Variants in JPH3 observed in about 807,000 individuals in gnomAD.
JPH3 encodes junctophilin-3.
A neutral mutation model predicts 59.6 loss-of-function variants in JPH3; 11 were observed. The ratio of observed to expected loss-of-function variants is 0.18; its 90% confidence interval spans 0.12 to 0.31. The LOEUF is 0.31. JPH3 is among the 10% of genes least tolerant of loss of function. JPH3 has a pLI of 1.00. For missense variants in JPH3, 1,202 were observed against 1,105.7 expected (o/e 1.09, Z -1.24); for synonymous variants, 673 against 483.6 (o/e 1.39, Z -5.14).
intron 1 of JPH3, among the ~76,000 whole-genome samples, chr16:87,640,175 A>G (rs1349607760): frequency 6.6e-6 from 1 of 151,848 alleles, no homozygotes; most frequent in Non-Finnish European, 1.5e-5. Context: ...AAAAACAGAA[A>G]AAAATTAGCT....
intron 1 of JPH3, among the ~76,000 whole-genome samples, chr16:87,623,888 G>C (rs12444562): frequency 3.9e-5 from 6 of 152,214 alleles, no homozygotes; most frequent in Non-Finnish European, 2.9e-5. Context: ...CTTTCTGGAA[G>C]ATCCTCCTCC....
At chr16:87,628,725 A>T (rs1328363263) in intron 1 of JPH3, among the ~76,000 whole-genome samples, 1 of 151,982 alleles carries the variant, frequency 6.6e-6, no homozygotes. Flanking sequence ...CGTGGCCCGG[A>T]TGTGTGGTGA....
chr16:87,649,598 A>G (rs4843649), intron 2 of JPH3, among the ~76,000 whole-genome samples: 51,266 of 152,032 alleles, frequency 0.34, 9,255 homozygotes, highest in South Asian at 0.5. Context: ...CATTTTCAAC[A>G]GCTGAGACCC....
chr16:87,603,799 G>T (rs1375846528), intron 1 of JPH3, among the ~76,000 whole-genome samples: 11 of 152,230 alleles, frequency 7.2e-5, no homozygotes, highest in Admixed American at 6.5e-4. Context: ...CCGTGCGTCG[G>T]ACACAGCAGG....
At chr16:87,606,925 T>A (rs185877975) in intron 1 of JPH3, among the ~76,000 whole-genome samples, 1 of 152,230 alleles carries the variant, frequency 6.6e-6, no homozygotes, top group East Asian at 1.9e-4. Context: ...GTGATTTTCT[T>A]GTTATTCTCA....
intron 1 of JPH3, among the ~76,000 whole-genome samples, chr16:87,613,841 T>G (rs977595436): frequency 2.0e-5 from 3 of 152,244 alleles, no homozygotes; most frequent in African/African-American, 7.2e-5. Flanking sequence ...TTCCTTAAGA[T>G]AATGCCTTGA....
intron 1 of JPH3, among the ~76,000 whole-genome samples, chr16:87,636,026 C>G (rs1018715007): frequency 6.6e-6 from 1 of 152,246 alleles, no homozygotes; most frequent in Non-Finnish European, 1.5e-5. Context: ...GCTGACCGAG[C>G]CAGACCCTCG....
At chr16:87,640,645 G>A (rs113856944) in intron 1 of JPH3, among the ~76,000 whole-genome samples, 4,665 of 151,998 alleles carry the variant, frequency 0.031, 252 homozygotes, top group African/African-American at 0.11. Context: ...TGCTCGCCTC[G>A]GCCTCCCAAA....
intron 4 of JPH3, among the ~76,000 whole-genome samples, chr16:87,691,095 C>CCCA (rs1555543754): frequency 5.3e-5 from 8 of 151,024 alleles, no homozygotes; most frequent in African/African-American, 1.9e-4. Context: ...CACCCCCCCC[C>CCCA]CAAATTCGTT....
At chr16:87,696,141 T>G in intron 4 of JPH3, 1 of 458,584 alleles carries the variant, frequency 2.2e-6, no homozygotes, top group South Asian at 1.6e-5. Flanking sequence ...CTGGGCTGCA[T>G]CTGACACTGG....
Position 87,611,453 on chromosome 16 carries a change from C to G in JPH3, c.382+7925C>G, listed in dbSNP as rs1352315223. On this transcript the variant is annotated intron_variant, in intron 1 of 4. Transcript: ENST00000284262. This position sits in a 1 kb window ranked among gnomAD's most constrained non-coding sequence, Gnocchi z 4.5. ...TCTCCCTCAGCCTCAGCTTCCCCAT[C>G]TCTATGATTTAGTCATGACATTTTT... Among the ~76,000 whole-genome samples the G allele has an allele frequency of 1.3e-5, 2 of 152,204 alleles. No homozygotes were observed. Among genetic ancestry groups the G allele is most frequent in the African/African-American group, 2.4e-5 (1 of 41,442 alleles).
chr16:87,665,909 G>T (rs1210402829), intron 2 of JPH3, among the ~76,000 whole-genome samples: 3 of 152,136 alleles, frequency 2.0e-5, no homozygotes, highest in Non-Finnish European at 4.4e-5. Flanking sequence ...TCCCATCGCT[G>T]CCCCCCAGGT....
intron 1 of JPH3, among the ~76,000 whole-genome samples, chr16:87,631,644 A>G (rs2031570349): frequency 6.6e-6 from 1 of 151,770 alleles, no homozygotes; most frequent in Non-Finnish European, 1.5e-5. Flanking sequence ...ATTCCAGGAG[A>G]CTTTCCTGTT....
intron 2 of JPH3, among the ~76,000 whole-genome samples, chr16:87,651,744 C>G (rs536068178): frequency 1.3e-5 from 2 of 152,318 alleles, no homozygotes; most frequent in East Asian, 3.9e-4. Flanking sequence ...TGGTTTCTTG[C>G]GATGGAATCT....
At chr16:87,623,129 C>G (rs2031250060) in intron 1 of JPH3, among the ~76,000 whole-genome samples, 1 of 152,228 alleles carries the variant, frequency 6.6e-6, no homozygotes. Context: ...ACCCCGGATA[C>G]TGCCCAGCCA....
chr16:87,644,045 G>A lies in JPH3; in HGVS notation c.383-213G>A, dbSNP rs190292708. ...CCCAGCTGCGCAGGAGGCTGAGGCA[G>A]GAGGATCGCCTGAGCCCAGGGGTTC... is the stretch of plus-strand genomic sequence containing the variant. On this transcript the variant is annotated intron_variant, in intron 1 of 4. Transcript: ENST00000284262. Among the ~76,000 whole-genome samples the A allele has an allele frequency of 1.1e-3, 172 of 152,352 alleles. 2 individuals carry two copies. The highest frequency in any genetic ancestry group is 1.7e-3 in the Non-Finnish European group (114 of 68,030).
At chr16:87,620,455 GGA>G (rs1212641858) in intron 1 of JPH3, among the ~76,000 whole-genome samples, 24 of 140,542 alleles carry the variant, frequency 1.7e-4, no homozygotes, top group Middle Eastern at 7.1e-3. Context: ...AGAGAGAGAA[GGA>G]GAGAGAGGGA....
In JPH3 at chr16:87,619,192, A is replaced by C. The variant is rs139941283; in HGVS notation, c.382+15664A>C. Among the ~76,000 whole-genome samples, 1,512 of 152,002 alleles carry C rather than the reference A, an allele frequency of 9.9e-3. 19 individuals carry two copies. Among genetic ancestry groups the C allele is most frequent in the Non-Finnish European group, 0.013 (883 of 67,966 alleles). ...ATTAGCTGGGCATGGTGGTGCCTGT[A>C]GTCCCAGCTATGAGGAAGGCTGAAG... On this transcript the variant is annotated intron_variant, in intron 1 of 4. Coordinates refer to ENST00000284262, the MANE Select transcript of JPH3 (RefSeq NM_020655.4).
At chr16:87,618,790 A>G (rs2031066894) in intron 1 of JPH3, among the ~76,000 whole-genome samples, 1 of 152,070 alleles carries the variant, frequency 6.6e-6, no homozygotes, top group Admixed American at 6.6e-5. Context: ...TTGCCCATTT[A>G]AAAATTGGGT....
Sources: gnomAD v4.1 joint callset for allele counts (sites outside exome capture counted in the v4.1 genomes callset) on GRCh38, gnomAD v4.1.1 for gene constraint, Gnocchi (gnomAD v3.1) non-coding constraint, MANE v1.5 for transcripts, NCBI Gene and HGNC (gene_info 2026-07-23, HGNC 2026-07-21) for gene names.